Variants in FAM241A observed in about 807,000 individuals in gnomAD.
FAM241A encodes the protein family with sequence similarity 241 member A, also known as uncharacterized protein FAM241A.
Under a neutral mutation model 12.2 loss-of-function variants are expected in FAM241A, and 7 were observed. That is an observed-to-expected ratio of 0.58 (90% CI 0.33 to 1.08). FAM241A has a LOEUF of 1.08. Among genes scored for constraint, FAM241A ranks in the 50% least tolerant of loss-of-function variants. FAM241A has a pLI of 0.04. For missense variants in FAM241A, 161 were observed against 169.7 expected (o/e 0.95, Z 0.29); for synonymous variants, 74 against 68.2 (o/e 1.08, Z -0.42).
Position 112,186,837 on chromosome 4 carries a change from G to C in FAM241A, c.298G>C (p.Val100Leu), listed in dbSNP as rs2110436641. The change falls in exon 2 of 2, where the codon GTA becomes CTA. Residue 100 changes from valine (V) to leucine (L), a missense_variant. Val to Leu is a conservative substitution (Grantham distance 32, BLOSUM62 1). Transcript: ENST00000309733. ...TTTTGGAGAACGAATAGTGGAACCA[G>C]TAATAGTCATTTTCTTTTGGGTTAT... ...MYFGERIVEP[V>L]IVIFFWVMLW... is the part of the protein sequence containing the mutation. 6 of 1,614,098 alleles carry C rather than the reference G, an allele frequency of 3.7e-6. No homozygotes were observed. The East Asian group carries it at 1.3e-4, about 36-fold the overall frequency.
At chr4:112,174,649 G>A (rs1461462979) in intron 1 of FAM241A, among the ~76,000 whole-genome samples, 2 of 152,182 alleles carry the variant, frequency 1.3e-5, no homozygotes, top group Admixed American at 1.3e-4. Flanking sequence ...CAAGGAAGGA[G>A]CCAAGAAGAG....
intron 1 of FAM241A, among the ~76,000 whole-genome samples, chr4:112,182,767 C>T (rs895357975): frequency 2.6e-5 from 4 of 152,240 alleles, no homozygotes; most frequent in Admixed American, 6.5e-5. Flanking sequence ...ACAGAATTGG[C>T]AAACGCTGTA....
intron 1 of FAM241A, among the ~76,000 whole-genome samples, chr4:112,174,465 T>C (rs1030655622): frequency 1.3e-5 from 2 of 152,204 alleles, no homozygotes; most frequent in South Asian, 2.1e-4. Flanking sequence ...GAGAGGACTT[T>C]GTTTACTTGG....
intron 1 of FAM241A, among the ~76,000 whole-genome samples, chr4:112,150,151 T>C (rs1208846139): frequency 6.6e-6 from 1 of 152,088 alleles, no homozygotes; most frequent in Non-Finnish European, 1.5e-5. Context: ...CTATATTGTA[T>C]GAAGTATGGA....
chr4:112,188,612 TTTA>T lies in FAM241A; in HGVS notation c.*1678_*1680del, dbSNP rs1339862593. 1 of 152,156 alleles carries T rather than the reference TTTA, an allele frequency of 6.6e-6. No individual in the cohort carries two copies. The highest frequency in any genetic ancestry group is 2.4e-5 in the African/African-American group (1 of 41,438). The allele number at this position is 152,156 out of a possible 1,614,324, so 9.4% of individuals were successfully genotyped here. On this transcript the variant is annotated 3_prime_UTR_variant, in exon 2 of 2. Coordinates refer to ENST00000309733, the MANE Select transcript of FAM241A (RefSeq NM_152400.3). ...AGTGCAAGTTGTTTGAAAAGGTGTT[TTTA>T]TTAGTGCACAATAGAATTGTGAGGT...
chr4:112,170,546 C>CTA (rs1723697934), intron 1 of FAM241A, among the ~76,000 whole-genome samples: 1 of 152,094 alleles, frequency 6.6e-6, no homozygotes, highest in South Asian at 2.1e-4. Flanking sequence ...ATTGAGGTGA[C>CTA]TACTAAGCGA....
intron 1 of FAM241A, among the ~76,000 whole-genome samples, chr4:112,157,638 A>T (rs1467851987): frequency 2.6e-5 from 4 of 152,076 alleles, no homozygotes; most frequent in African/African-American, 9.7e-5. Context: ...CATGATTTAT[A>T]TGAAAAAAAA....
intron 1 of FAM241A, among the ~76,000 whole-genome samples, chr4:112,160,510 C>G (rs1723442573): frequency 6.6e-6 from 1 of 151,966 alleles, no homozygotes; most frequent in Non-Finnish European, 1.5e-5. Context: ...AACGCAATTT[C>G]TATCAAAATA....
Position 112,193,255 on chromosome 4 carries a change from T to C in FAM241A, c.*6317T>C, listed in dbSNP as rs1247267394. On this transcript the variant is annotated 3_prime_UTR_variant, in exon 2 of 2. Coordinates refer to ENST00000309733, the MANE Select transcript of FAM241A (RefSeq NM_152400.3). ...GTAGATTCTGGATATTAGCCCTTTG[T>C]CAGATGAGTAGGTTGCGAAAATTTT... 2 of 152,112 alleles carry C rather than the reference T, an allele frequency of 1.3e-5. No individual in the cohort carries two copies. Among genetic ancestry groups the C allele is most frequent in the African/African-American group, 4.8e-5 (2 of 41,396 alleles). 9.4% of individuals were successfully genotyped at this position (152,112 alleles called of 1,614,324 possible). A position where few individuals can be genotyped will look rare whatever the true frequency, so the allele number is the denominator to read the frequency against.
chr4:112,186,929 G>A lies in FAM241A; in HGVS notation c.390G>A (p.Val130=), dbSNP rs755957136. ...TTCTTTGCCTTGTTATTATTTATGTGCAACAGTAAAACATGGCCGAATTGA... is the reference window on the plus strand; with the variant it reads ...TTCTTTGCCTTGTTATTATTTATGTACAACAGTAAAACATGGCCGAATTGA... ...VAVLCLVIIY[V]QQ Residue 130 remains valine (V), a synonymous_variant, in exon 2 of 2, where the codon GTG becomes GTA. Transcript: ENST00000309733. The A allele has an allele frequency of 3.7e-6, 6 of 1,612,312 alleles. No individual in the cohort carries two copies. In the African/African-American group the frequency reaches 4.0e-5, roughly 11 times the overall value.
rs890132735 is a variant in FAM241A at position 112,168,427 on chromosome 4, A to G, written c.154-18266A>G. On this transcript the variant is annotated intron_variant, in intron 1 of 1. Transcript: ENST00000309733. ...CCAAAGAAAAAAATCAGCCAAGTCA[A>G]TGGGTTTGACAAAAAGTGAAGTATA... is the stretch of plus-strand genomic sequence containing the variant. Among the ~76,000 whole-genome samples, 5 of 152,222 alleles carry G rather than the reference A, an allele frequency of 3.3e-5. No homozygotes were observed. The East Asian group carries it at 5.8e-4, about 18-fold the overall frequency.
intron 1 of FAM241A, among the ~76,000 whole-genome samples, chr4:112,153,421 C>T (rs1208848352): frequency 6.6e-6 from 1 of 152,148 alleles, no homozygotes; most frequent in Non-Finnish European, 1.5e-5. Context: ...GCAACACTGT[C>T]TTCATTTTCT....
chr4:112,162,291 T>G (rs955529363), intron 1 of FAM241A, among the ~76,000 whole-genome samples: 1 of 152,164 alleles, frequency 6.6e-6, no homozygotes, highest in Non-Finnish European at 1.5e-5. Context: ...TTCAACATAC[T>G]GTTGGAAGTT....
At chr4:112,186,215 G>T (rs1039134994) in intron 1 of FAM241A, among the ~76,000 whole-genome samples, 1 of 152,110 alleles carries the variant, frequency 6.6e-6, no homozygotes, top group African/African-American at 2.4e-5. Flanking sequence ...GGCATTTAGG[G>T]CATCTATATA....
intron 1 of FAM241A, chr4:112,171,241 G>T: frequency 1.4e-6 from 1 of 736,274 alleles, no homozygotes; most frequent in East Asian, 2.6e-5. Context: ...AAAACCCACT[G>T]GACTTTCTGT....
intron 1 of FAM241A, among the ~76,000 whole-genome samples, chr4:112,153,170 A>T (rs1360752963): frequency 6.6e-6 from 1 of 152,198 alleles, no homozygotes; most frequent in African/African-American, 2.4e-5. Flanking sequence ...TAAACCTGTC[A>T]ACCTAAATTA....
rs537668481 is a variant in FAM241A, at chr4:112,187,804, A to G, written c.*866A>G. 9 of 152,544 alleles carry G rather than the reference A, an allele frequency of 5.9e-5. No individual in the cohort carries two copies. The highest frequency in any genetic ancestry group is 3.3e-4 in the Admixed American group (5 of 15,276). The allele number at this position is 152,544 out of a possible 1,614,324, so 9.4% of individuals were successfully genotyped here. ...AAATTTATAATTTTATAGTTCTTTC[A>G]TAACACTTATTCTGAGTTTTGAAAC... On this transcript the variant is annotated 3_prime_UTR_variant, in exon 2 of 2. Transcript: ENST00000309733.
chr4:112,156,008 C>A (rs919008636), intron 1 of FAM241A, among the ~76,000 whole-genome samples: 1 of 152,066 alleles, frequency 6.6e-6, no homozygotes, highest in African/African-American at 2.4e-5. Context: ...AGATTCAAAC[C>A]CATGCTTAAA....
chr4:112,174,380 A>ACGGC (rs2110431163), intron 1 of FAM241A, among the ~76,000 whole-genome samples: 1 of 152,334 alleles, frequency 6.6e-6, no homozygotes, highest in African/African-American at 2.4e-5. Context: ...CTGGCTGGGC[A>ACGGC]CGGTGACTCA....
Sources: allele counts gnomAD v4.1 joint callset (sites outside exome capture counted in the v4.1 genomes callset), GRCh38; gene constraint gnomAD v4.1.1; transcripts MANE v1.5; gene names NCBI Gene and HGNC (gene_info 2026-07-23, HGNC 2026-07-21).